Variants in FBN2 observed in about 807,000 individuals in gnomAD.
FBN2 encodes fibrillin 2.
In FBN2, 105 loss-of-function variants were observed where a neutral mutation model predicts 355.6. The ratio of observed to expected loss-of-function variants is 0.30; its 90% CI spans 0.25 to 0.35. The LOEUF is 0.35. FBN2 is among the 10% of genes least tolerant of loss of function. The pLI is 1.00. For missense variants in FBN2, 3,280 were observed against 3,758.7 expected, an observed-to-expected ratio of 0.87 and a Z score of 3.33; for synonymous variants, 1,350 against 1,301.2, an observed-to-expected ratio of 1.04 and a Z score of -0.81.
intron 62 of FBN2, among the ~76,000 whole-genome samples, chr5:128,267,443 G>A (rs55808530): frequency 0.014 from 2,121 of 152,248 alleles, 18 homozygotes; most frequent in Non-Finnish European, 0.022. Context: ...CACCAACAGT[G>A]TAAAAGTTTT....
chr5:128,508,902 C>G (rs971948383), intron 5 of FBN2, among the ~76,000 whole-genome samples: 1 of 151,952 alleles, frequency 6.6e-6, no homozygotes, highest in Admixed American at 6.6e-5. Flanking sequence ...AACTTTAGTG[C>G]TCTAAATGTG....
intron 14 of FBN2, among the ~76,000 whole-genome samples, chr5:128,376,445 TGAGA>T (rs1405845569): frequency 1.3e-5 from 2 of 152,210 alleles, no homozygotes; most frequent in East Asian, 3.9e-4. Context: ...GCCAAGCAGT[TGAGA>T]GAAATTATTT....
At position 128,344,376 on chromosome 5, in the gene FBN2, C is replaced by T; in HGVS notation, c.3343+9G>A. 6.2e-7 allele frequency: 1 copy of T among 1,613,974 alleles called. No homozygotes were observed. The highest frequency in any genetic ancestry group is 8.5e-7 in the Non-Finnish European group (1 of 1,179,862). ...GAGTTTATCAAATAAAACAGCAGAACCATCTTACCCGTGCAGTTTCTTTCC... is the reference window on the plus strand; with the variant it reads ...GAGTTTATCAAATAAAACAGCAGAATCATCTTACCCGTGCAGTTTCTTTCC... On this transcript the variant is annotated intron_variant, in intron 25 of 64. Transcript: ENST00000262464.
intron 53 of FBN2, among the ~76,000 whole-genome samples, chr5:128,287,935 T>C (rs1241935135): frequency 1.3e-5 from 2 of 152,146 alleles, no homozygotes; most frequent in East Asian, 3.9e-4. Flanking sequence ...GTACTATGCA[T>C]GTGTGGGGCA....
intron 5 of FBN2, among the ~76,000 whole-genome samples, chr5:128,466,295 T>C (rs1754708763): frequency 6.6e-6 from 1 of 152,190 alleles, no homozygotes; most frequent in Non-Finnish European, 1.5e-5. Flanking sequence ...GAATACAAAA[T>C]ACCACTCAGG....
chr5:128,415,301 T>C (rs992304140), intron 7 of FBN2, among the ~76,000 whole-genome samples: 4 of 152,210 alleles, frequency 2.6e-5, no homozygotes, highest in Non-Finnish European at 5.9e-5. Flanking sequence ...CTGGAACTTA[T>C]TCCTTCTGTC....
At chr5:128,271,185 T>A (rs903645608) in intron 62 of FBN2, among the ~76,000 whole-genome samples, 2 of 152,228 alleles carry the variant, frequency 1.3e-5, no homozygotes, top group Non-Finnish European at 2.9e-5. Flanking sequence ...GTGAATAACC[T>A]GTGAAGTAAT....
intron 5 of FBN2, among the ~76,000 whole-genome samples, chr5:128,483,145 C>T (rs1051609921): frequency 6.6e-6 from 1 of 152,062 alleles, no homozygotes; most frequent in African/African-American, 2.4e-5. Context: ...GAACAATAGA[C>T]ACCAGGGACT....
chr5:128,537,584 A>G lies in FBN2; in HGVS notation c.20T>C (p.Leu7Pro). 6.2e-7 allele frequency: 1 copy of G among 1,607,420 alleles called. No individual in the cohort carries two copies. The highest frequency in any genetic ancestry group is 8.5e-7 in the Non-Finnish European group (1 of 1,178,266). The change falls in exon 1 of 65, where the codon CTG becomes CCG. Residue 7 changes from leucine to proline, a missense_variant. Coordinates refer to ENST00000262464, the MANE Select transcript of FBN2 (RefSeq NM_001999.4). ...CCACAGGAAGTAGAGCTGGAGACAC[A>G]GCCTCCGTCTTCTCCCCATCGCCGG... is the stretch of plus-strand genomic sequence containing the variant. MGRRRR[L>P]CLQLYFLWLG...
chr5:128,460,297 G>A (rs1232118644), intron 6 of FBN2, among the ~76,000 whole-genome samples: 6 of 152,074 alleles, frequency 3.9e-5, no homozygotes, highest in Admixed American at 1.3e-4. Context: ...TACAACTTAC[G>A]AGGGATGTGA....
Position 128,455,990 on chromosome 5 carries a change from C to CAAAAAAAAAAAAAAAAAAAAAAAAAAA in FBN2, c.826+8707_826+8733dup, listed in dbSNP as rs70997371. 2.4e-4 allele frequency among the ~76,000 whole-genome samples: 6 copies of CAAAAAAAAAAAAAAAAAAAAAAAAAAA among 25,276 alleles called. 1 individual carries two copies. Among genetic ancestry groups the CAAAAAAAAAAAAAAAAAAAAAAAAAAA allele is most frequent in the Non-Finnish European group, 3.2e-4 (4 of 12,632 alleles). 16.6% of individuals were successfully genotyped at this position (25,276 alleles called of 152,430 possible). ...GAGCTCCTTGGGGGAGGGTTAGCAA[C>CAAAAAAAAAAAAAAAAAAAAAAAAAAA]AAAAAAAAAAAAAAAAAAAAAAAAA... On this transcript the variant is annotated intron_variant, in intron 6 of 64. Transcript: ENST00000262464.
chr5:128,473,955 T>A (rs1364433978), intron 5 of FBN2, among the ~76,000 whole-genome samples: 1 of 152,228 alleles, frequency 6.6e-6, no homozygotes, highest in African/African-American at 2.4e-5. Context: ...AAAGGACTGC[T>A]TTCACCTTTC....
At chr5:128,344,046 C>A (rs1012165842) in intron 25 of FBN2, among the ~76,000 whole-genome samples, 1 of 152,090 alleles carries the variant, frequency 6.6e-6, no homozygotes, top group African/African-American at 2.4e-5. Flanking sequence ...GCCTGGGAAG[C>A]AAAGTGAGAC....
intron 23 of FBN2, 22 bp downstream of exon 23, chr5:128,349,325 T>A: frequency 6.2e-7 from 1 of 1,613,906 alleles, no homozygotes; most frequent in Non-Finnish European, 8.5e-7. Flanking sequence ...ATACATAGAA[T>A]ACATGAGGGT....
chr5:128,294,470 C>A (rs948163038), intron 48 of FBN2, among the ~76,000 whole-genome samples: 5 of 152,078 alleles, frequency 3.3e-5, no homozygotes, highest in East Asian at 3.9e-4. Flanking sequence ...TAAAAGTGTT[C>A]CTATTTCTCC....
At chr5:128,476,067 C>T (rs144965308) in intron 5 of FBN2, among the ~76,000 whole-genome samples, 140 of 152,026 alleles carry the variant, frequency 9.2e-4, no homozygotes, top group Non-Finnish European at 1.7e-3. Context: ...AGACATTACG[C>T]AAAAGTTGTG....
chr5:128,445,054 G>C (rs1754030897), intron 7 of FBN2, among the ~76,000 whole-genome samples: 2 of 152,142 alleles, frequency 1.3e-5, no homozygotes, highest in South Asian at 4.1e-4. Context: ...TGAGTTTTTG[G>C]TCTAATGTGG....
chr5:128,381,647 CT>C (rs1752238151), intron 11 of FBN2, among the ~76,000 whole-genome samples: 1 of 152,046 alleles, frequency 6.6e-6, no homozygotes, highest in African/African-American at 2.4e-5. Context: ...CATTACTAAG[CT>C]AAGTCTCTAT....
At position 128,536,493 on chromosome 5, in the gene FBN2, G is replaced by C; in HGVS notation, c.255-9C>G. ...AGCCGCACACGTTGGGCCTGTGATG[G>C]ACAAGCGCGGTCACGTAACAGATAG... On this transcript the variant is annotated splice_polypyrimidine_tract_variant and intron_variant, in intron 1 of 64. Coordinates refer to ENST00000262464, the MANE Select transcript of FBN2 (RefSeq NM_001999.4). 2 of 1,611,306 alleles carry C rather than the reference G, an allele frequency of 1.2e-6. No homozygotes were observed. The highest frequency in any genetic ancestry group is 1.7e-6 in the Non-Finnish European group (2 of 1,177,956).
Sources: allele counts gnomAD v4.1 joint callset (sites outside exome capture counted in the v4.1 genomes callset), GRCh38; gene constraint gnomAD v4.1.1; transcripts MANE v1.5; gene names NCBI Gene and HGNC (gene_info 2026-07-23, HGNC 2026-07-21).